ABCA2: variants seen among roughly 807,000 people sequenced by gnomAD.
ABCA2 encodes ATP binding cassette subfamily A member 2, also known as ATP-binding cassette sub-family A member 2.
In ABCA2, 84 loss-of-function variants were observed where a neutral mutation model predicts 262.8. The ratio of observed to expected loss-of-function variants is 0.32; its 90% confidence interval spans 0.27 to 0.38. The LOEUF is 0.38. Ranked by LOEUF, ABCA2 falls within the 10% of genes least tolerant of loss-of-function variation. The pLI is 1.00. For synonymous variants in ABCA2, 1,696 were observed against 1,502.9 expected (o/e 1.13, Z -2.97); for missense variants, 2,662 against 3,405.9 (o/e 0.78, Z 5.44).
chr9:137,010,956 C>A lies in ABCA2; in HGVS notation c.6056+17G>T, dbSNP rs1465767060. ...CTGCTCCCGCCCCGCCCCCGCCCCA[C>A]CCCGCCCCCCACTCACTGTGGCCGC... On this transcript the variant is annotated intron_variant, in intron 39 of 48. Transcript: ENST00000341511. 1.5e-6 allele frequency: 2 copies of A among 1,347,402 alleles called. No individual in the cohort carries two copies. The highest frequency in any genetic ancestry group is 1.5e-5 in the African/African-American group (1 of 66,766). 83.5% of individuals were successfully genotyped at this position (1,347,402 alleles called of 1,614,324 possible). A position where few individuals can be genotyped will look rare whatever the true frequency, so the allele number is the denominator to read the frequency against.
intron 1 of ABCA2, chr9:137,027,558 AGGC>A (rs1831693928): frequency 6.6e-6 from 1 of 152,442 alleles, no homozygotes. Context: ...CCAGGAGGGG[AGGC>A]GGAGAGATGC....
In ABCA2 at chr9:137,022,967, G is replaced by A. The variant is rs775007741; in HGVS notation, c.249C>T (p.Phe83=). The change falls in exon 4 of 49, where the codon TTC becomes TTT. Residue 83 remains phenylalanine, a synonymous_variant. Coordinates refer to ENST00000341511, the MANE Select transcript of ABCA2 (RefSeq NM_001606.5). ...TGGAGTTGGCGTACTGCAGGAAGCCGAACTCGTCTCGCTGGCCGTCCGGGC... is the reference window on the plus strand; with the variant it reads ...TGGAGTTGGCGTACTGCAGGAAGCCAAACTCGTCTCGCTGGCCGTCCGGGC... The part of the protein sequence containing the change: ...SLCPDGQRDE[F]GFLQYANSTV... 2.6e-5 allele frequency: 42 copies of A among 1,586,944 alleles called. No homozygotes were observed. Among genetic ancestry groups the A allele is most frequent in the South Asian group, 6.9e-5 (6 of 87,202 alleles).
Position 137,019,374 on chromosome 9 carries a change from C to T in ABCA2, c.1426-68G>A. On this transcript the variant is annotated intron_variant, in intron 10 of 48. Transcript: ENST00000341511. The surrounding 1 kb of genome is among the most constrained non-coding windows in gnomAD (Gnocchi z 4.4). The stretch of plus-strand genomic sequence containing the variant: ...CCCACCGACTTGGGGGCTCTCACCC[C>T]ACTCACCTCCCCAGTGGCTGGTCCA... 3 of 1,573,388 alleles carry T rather than the reference C, an allele frequency of 1.9e-6. No homozygotes were observed. The highest frequency in any genetic ancestry group is 2.6e-6 in the Non-Finnish European group (3 of 1,154,744).
intron 1 of ABCA2, among the ~76,000 whole-genome samples, chr9:137,026,782 C>T (rs947405299): frequency 1.5e-4 from 23 of 152,240 alleles, no homozygotes; most frequent in African/African-American, 5.3e-4. Context: ...CAACCACCCC[C>T]GGGGACTAAT....
intron 45 of ABCA2, 64 bp downstream of exon 45, chr9:137,009,306 C>T (rs1251979254): frequency 3.5e-6 from 5 of 1,417,958 alleles, no homozygotes; most frequent in South Asian, 1.3e-5. Context: ...CCACTCCTGG[C>T]CCCGCTGCCT....
rs376267096 is a variant in ABCA2 at position 137,011,025 on chromosome 9, C to T, written c.6004G>A (p.Val2002Met). The T allele has an allele frequency of 2.7e-5, 43 of 1,610,574 alleles. No homozygotes were observed. The highest frequency in any genetic ancestry group is 1.7e-4 in the Middle Eastern group (1 of 5,970). ...CACATGATGGTCAGGAGGAAGCCCACGACGCCCTCAACCGCCATGGCCACC... is the reference window on the plus strand; with the variant it reads ...CACATGATGGTCAGGAGGAAGCCCATGACGCCCTCAACCGCCATGGCCACC... The part of the protein sequence containing the change: ...GLVAMAVEGV[V>M]GFLLTIMCQY... The change falls in exon 39 of 49, where the codon GTG becomes ATG. Residue 2002 changes from valine to methionine, a missense_variant. Transcript: ENST00000341511. The surrounding 1 kb of genome is among the most constrained non-coding windows in gnomAD (Gnocchi z 8.8).
chr9:137,021,375 G>T lies in ABCA2; in HGVS notation c.897+17C>A. 6.2e-7 allele frequency: 1 copy of T among 1,601,256 alleles called. No homozygotes were observed. On this transcript the variant is annotated intron_variant, in intron 8 of 48. Coordinates refer to ENST00000341511, the MANE Select transcript of ABCA2 (RefSeq NM_001606.5). This position sits in a 1 kb window ranked among gnomAD's most constrained non-coding sequence, Gnocchi z 6.0. The stretch of plus-strand genomic sequence containing the variant: ...GCAGCAAGCAGCGCAGCGGGCAGTG[G>T]GCAGGCAGGGCCTCACCTGCTGGGA...
At position 137,020,850 on chromosome 9, in the gene ABCA2, C is replaced by A; in HGVS notation, c.1109G>T (p.Gly370Val). ...PASGAGGAAN[G>V]TGAGAVMGPN... is the part of the protein sequence containing the mutation. ...GCCCATGACTGCCCCTGCCCCAGTGCCATTGGCCGCCCCACCCGCACCACT... is the reference window on the plus strand; with the variant it reads ...GCCCATGACTGCCCCTGCCCCAGTGACATTGGCCGCCCCACCCGCACCACT... The change falls in exon 9 of 49, where the codon GGC becomes GTC. Residue 370 changes from glycine (G) to valine (V), a missense_variant. Physicochemically the swap from Gly to Val is moderately radical, Grantham distance 109. Around this residue, in one of 12 missense-constraint regions of ABCA2, gnomAD observed 403 missense variants for 375.9 expected, o/e 1.07. Coordinates refer to ENST00000341511, the MANE Select transcript of ABCA2 (RefSeq NM_001606.5). 1.3e-6 allele frequency: 2 copies of A among 1,544,366 alleles called. No homozygotes were observed. Among genetic ancestry groups the A allele is most frequent in the Non-Finnish European group, 1.7e-6 (2 of 1,142,894 alleles).
Position 137,015,024 on chromosome 9 carries a change from G to T in ABCA2, c.3771C>A (p.Phe1257Leu). ...GGCAGGAGGCCACATGCTTGCGGAT[G>T]AACTGGGACACCTGGAGCTCGGAGC... The part of the protein sequence containing the change: ...SSCSELQVSQ[F>L]IRKHVASCLL... Residue 1257 changes from phenylalanine (F) to leucine (L), a missense_variant, in exon 25 of 49, where the codon TTC (phenylalanine) becomes TTA (leucine). By Grantham distance (22) the Phe-to-Leu change is conservative. This residue lies in a region of ABCA2 where 297 missense variants were observed against 286.5 expected (regional missense o/e 1.04). Coordinates refer to ENST00000341511, the MANE Select transcript of ABCA2 (RefSeq NM_001606.5). The T allele has an allele frequency of 6.2e-7, 1 of 1,607,486 alleles. No individual in the cohort carries two copies.
At position 137,010,223 on chromosome 9, in the gene ABCA2, G is replaced by C. The variant is rs1404705070; in HGVS notation, c.6323C>G (p.Thr2108Arg). 1 of 1,605,062 alleles carries C rather than the reference G, an allele frequency of 6.2e-7. No homozygotes were observed. The highest frequency in any genetic ancestry group is 8.5e-7 in the Non-Finnish European group (1 of 1,178,070). ...FKMLTGDEST[T>R]GGEAFVNGHS... ...TCCATTGACGAAGGCCTCGCCCCCC[G>C]TCGTGCTCTCGTCGCCGGTCAGCAT... Residue 2108 changes from threonine to arginine, a missense_variant, in exon 41 of 49, where the codon ACG (threonine) becomes AGG (arginine). Physicochemically the swap from Thr to Arg is moderately conservative, Grantham distance 71. Transcript: ENST00000341511.
intron 33 of ABCA2, 40 bp from the exon 34 acceptor site, chr9:137,012,202 G>A (rs1263204175): frequency 6.2e-7 from 1 of 1,607,922 alleles, no homozygotes; most frequent in East Asian, 2.2e-5. Flanking sequence ...TCAGGCCCCA[G>A]CTCCTCCCCG....
rs781086912 is a variant in ABCA2 at position 137,011,620 on chromosome 9, C to T, written c.5651+14G>A. ...GTCCCACCTGAGGCCGCTCCCCCCT[C>T]CGCTTCCGCTTACCCATAGAGCAGG... On this transcript the variant is annotated intron_variant, in intron 36 of 48. Transcript: ENST00000341511. The surrounding 1 kb of genome is among the most constrained non-coding windows in gnomAD (Gnocchi z 8.8). 92 of 1,552,506 alleles carry T rather than the reference C, an allele frequency of 5.9e-5. No individual in the cohort carries two copies. Among genetic ancestry groups the T allele is most frequent in the Non-Finnish European group, 7.6e-5 (87 of 1,148,414 alleles).
chr9:137,015,077 GGCTGGATGCCA>G lies in ABCA2; in HGVS notation c.3707_3717del (p.Leu1236ProfsTer94). Reference sequence around the variant, plus strand: ...CTGCTCAGCGGGGCCCGACCTGGGGGGCTGGATGCCAGCCCTGGCTCTGTGGGGGACGTGGG... The same window carrying G: ...CTGCTCAGCGGGGCCCGACCTGGGGGGCCCTGGCTCTGTGGGGGACGTGGG... On this transcript the variant is annotated frameshift_variant, in exon 25 of 49. Coordinates refer to ENST00000341511, the MANE Select transcript of ABCA2 (RefSeq NM_001606.5). LOFTEE classifies it high-confidence loss of function. The G allele has an allele frequency of 6.3e-7, 1 of 1,595,280 alleles. No individual in the cohort carries two copies. Among genetic ancestry groups the G allele is most frequent in the Non-Finnish European group, 8.5e-7 (1 of 1,171,688 alleles).
Position 137,019,925 on chromosome 9 carries a change from CTCG to C in ABCA2, c.1425+408_1425+410del, listed in dbSNP as rs1316553220. The C allele has an allele frequency of 8.7e-6, 2 of 228,858 alleles. No individual in the cohort carries two copies. Among genetic ancestry groups the C allele is most frequent in the Non-Finnish European group, 1.8e-5 (2 of 113,798 alleles). 14.2% of individuals were successfully genotyped at this position (228,858 alleles called of 1,614,324 possible). A position where few individuals can be genotyped will look rare whatever the true frequency, so the allele number is the denominator to read the frequency against. ...GACCCCCTCTACACCCAGGATTGGC[CTCG>C]TCCACAGGCCCTCCCCTCCCAGGCC... On this transcript the variant is annotated intron_variant, in intron 10 of 48. Transcript: ENST00000341511. This position sits in a 1 kb window ranked among gnomAD's most constrained non-coding sequence, Gnocchi z 4.4.
At chr9:137,018,647 G>A in intron 13 of ABCA2, 72 bp downstream of exon 13, 1 of 1,324,594 alleles carries the variant, frequency 7.5e-7, no homozygotes. Context: ...AGGGCACAGG[G>A]GGACGGGTGG....
At position 137,024,111 on chromosome 9, in the gene ABCA2, C is replaced by A. The variant is rs375105194; in HGVS notation, c.160+32G>T. The A allele has an allele frequency of 1.0e-5, 16 of 1,586,644 alleles. No homozygotes were observed. In the African/African-American group the frequency reaches 2.0e-4, roughly 20 times the overall value. ...AGGCGTGCGAGGTGCCGCGCTCCCC[C>A]GGCTGTGCCTGGGGCCTCCTGCCGC... On this transcript the variant is annotated intron_variant, in intron 2 of 48. Transcript: ENST00000341511.
chr9:137,020,621 A>G, intron 9 of ABCA2, 73 bp downstream of exon 9: 1 of 1,569,372 alleles, frequency 6.4e-7, no homozygotes, highest in Non-Finnish European at 8.6e-7. Flanking sequence ...CTCCAGAGCC[A>G]GAGCCTAGAT....
rs1319730299 is a variant in ABCA2, at chr9:137,019,250, G to C, written c.1482C>G (p.Leu494=). The C allele has an allele frequency of 1.2e-6, 2 of 1,612,574 alleles. No individual in the cohort carries two copies. The highest frequency in any genetic ancestry group is 1.3e-5 in the African/African-American group (1 of 74,906). Residue 494 remains leucine (L), a synonymous_variant, in exon 11 of 49, where the codon CTC becomes CTG. Transcript: ENST00000341511. This position sits in a 1 kb window ranked among gnomAD's most constrained non-coding sequence, Gnocchi z 4.4. ...AGCTGCGGATCTCCGCCGAGATGTT[G>C]AGCCAGACCTGGGCATAGTGAGTCA... ...GNVTHYAQVW[L]NISAEIRSFL...
rs1831418140 is a variant in ABCA2 at position 137,020,631 on chromosome 9, T to C, written c.1265+63A>G. 2.5e-6 allele frequency: 4 copies of C among 1,579,880 alleles called. No individual in the cohort carries two copies. In the Admixed American group the frequency reaches 6.9e-5, roughly 27 times the overall value. On this transcript the variant is annotated intron_variant, in intron 9 of 48. Coordinates refer to ENST00000341511, the MANE Select transcript of ABCA2 (RefSeq NM_001606.5). Reference sequence around the variant, plus strand: ...GAGACCTCCAGAGCCAGAGCCTAGATTCAGGGCTCACGCCCTGCCCCTGGC... The same window carrying C: ...GAGACCTCCAGAGCCAGAGCCTAGACTCAGGGCTCACGCCCTGCCCCTGGC...
Sources: allele counts gnomAD v4.1 joint callset (sites outside exome capture counted in the v4.1 genomes callset), GRCh38; gene constraint gnomAD v4.1.1; regional missense constraint gnomAD v4.1.1; non-coding constraint Gnocchi (gnomAD v3.1); transcripts MANE v1.5; gene names NCBI Gene and HGNC (gene_info 2026-07-23, HGNC 2026-07-21).